CIITA: variants seen among roughly 807,000 people sequenced by gnomAD.
The protein encoded by CIITA is MHC class II transactivator.
In CIITA, 72 loss-of-function variants were observed where a neutral mutation model predicts 115.1. That is an observed-to-expected ratio of 0.63 (90% CI 0.52 to 0.76). The LOEUF (loss-of-function observed/expected upper bound fraction) is 0.76, where lower values mean the gene tolerates loss of function less well. Among genes scored for constraint, CIITA ranks in the 30% least tolerant of loss-of-function variants. CIITA has a pLI of 0.00. For missense variants in CIITA, 1,617 were observed against 1,463.8 expected, an observed-to-expected ratio of 1.10 and a Z score of -1.71; for synonymous variants, 763 against 635.6, an observed-to-expected ratio of 1.20 and a Z score of -3.02.
rs1406810628 is a variant in CIITA, at chr16:10,920,621, CA to C, written c.3150-1542del. On this transcript the variant is annotated intron_variant, in intron 16 of 19. Transcript: ENST00000324288. This position sits in a 1 kb window ranked among gnomAD's most constrained non-coding sequence, Gnocchi z 4.5. Reference sequence around the variant, plus strand: ...CCATTGTAAGACCCCAATATGAGGCCAAAATGCAAACTGTGACACGCTATTG... The same window carrying C: ...CCATTGTAAGACCCCAATATGAGGCCAAATGCAAACTGTGACACGCTATTG... 6.6e-6 allele frequency among the ~76,000 whole-genome samples: 1 copy of C among 152,182 alleles called. No individual in the cohort carries two copies. Among genetic ancestry groups the C allele is most frequent in the Non-Finnish European group, 1.5e-5 (1 of 68,026 alleles).
At chr16:10,867,079 C>T (rs2035123236) in intron 1 of CIITA, among the ~76,000 whole-genome samples, 1 of 152,094 alleles carries the variant, frequency 6.6e-6, no homozygotes, top group African/African-American at 2.4e-5. Context: ...CCTGTCTCTA[C>T]TAAAAAATAC....
rs1422261128 is a variant in CIITA at position 10,877,339 on chromosome 16, C to T, written c.9C>T (p.Cys3=). Residue 3 remains cysteine (C), a synonymous_variant, in exon 1 of 20, where the codon TGC becomes TGT. Coordinates refer to ENST00000324288, the MANE Select transcript of CIITA (RefSeq NM_000246.4). MR[C]LAPRPAGSYL... ...GCTGGGATTCCTACACAATGCGTTG[C>T]CTGGCTCCACGCCCTGCTGGGTCCT... 6.2e-7 allele frequency: 1 copy of T among 1,613,112 alleles called. No individual in the cohort carries two copies. The highest frequency in any genetic ancestry group is 8.5e-7 in the Non-Finnish European group (1 of 1,179,498).
intron 8 of CIITA, among the ~76,000 whole-genome samples, chr16:10,903,501 T>C (rs2038928217): frequency 6.6e-6 from 1 of 152,128 alleles, no homozygotes; most frequent in Admixed American, 6.5e-5. Flanking sequence ...AAGTTCCTTA[T>C]GAGCTAATTG....
intron 3 of CIITA, 134 bp from the exon 4 acceptor site, chr16:10,898,536 T>C: frequency 1.7e-6 from 1 of 573,216 alleles, no homozygotes; most frequent in South Asian, 1.7e-5. Context: ...TGTTTGATCA[T>C]TCATTCATTC....
At chr16:10,921,572 A>G (rs756979778) in intron 16 of CIITA, among the ~76,000 whole-genome samples, 2 of 152,224 alleles carry the variant, frequency 1.3e-5, no homozygotes, top group Non-Finnish European at 2.9e-5. Flanking sequence ...TATCATGCCC[A>G]TTTTACAGAT....
intron 18 of CIITA, among the ~76,000 whole-genome samples, 161 bp downstream of exon 18, chr16:10,922,651 G>A (rs57798917): frequency 0.046 from 6,969 of 152,270 alleles, 229 homozygotes; most frequent in East Asian, 0.17. Context: ...TCTGTAAAGT[G>A]GGGACAGTAA....
chr16:10,906,309 G>C (rs992933775), intron 10 of CIITA, among the ~76,000 whole-genome samples, 190 bp from the exon 11 acceptor site: 2 of 152,168 alleles, frequency 1.3e-5, no homozygotes, highest in Non-Finnish European at 2.9e-5. Context: ...GCAGCGAGCT[G>C]TGATCACACC....
chr16:10,899,635 A>G (rs1172927961), intron 5 of CIITA, among the ~76,000 whole-genome samples: 5 of 152,188 alleles, frequency 3.3e-5, no homozygotes, highest in Admixed American at 1.3e-4. Context: ...ACCTCAGTAG[A>G]TATCTGTTGA....
rs1175569503 is a variant in CIITA, at chr16:10,929,297, T to C, written c.*5442T>C. ...CCGAAGGTGAAGTGGGGGAAGCAGG[T>C]GCGCTCCGGGATGAAGTGCAGGGAG... On this transcript the variant is annotated 3_prime_UTR_variant, in exon 20 of 20. Coordinates refer to ENST00000324288, the MANE Select transcript of CIITA (RefSeq NM_000246.4). This position sits in a 1 kb window ranked among gnomAD's most constrained non-coding sequence, Gnocchi z 4.3. 2.0e-6 allele frequency: 2 copies of C among 985,938 alleles called. No homozygotes were observed. The highest frequency in any genetic ancestry group is 3.5e-5 in the African/African-American group (2 of 57,364). The allele number at this position is 985,938 out of a possible 1,614,324, so 61.1% of individuals were successfully genotyped here. A position where few individuals can be genotyped will look rare whatever the true frequency, so the allele number is the denominator to read the frequency against.
chr16:10,908,109 T>A lies in CIITA; in HGVS notation c.2617T>A (p.Leu873Met). The change falls in exon 11 of 20, where the codon TTG becomes ATG. Residue 873 changes from leucine (L) to methionine (M), a missense_variant. Transcript: ENST00000324288. ...CAGCACTGGCATTTGCCCCTCTGGA[T>A]TGGGGAGCCTCGTGGGACTCAGCTG... ...LRSTGICPSGLGSLVGLSCVT... is the reference protein window; with the variant it reads ...LRSTGICPSGMGSLVGLSCVT... 1 of 1,595,036 alleles carries A rather than the reference T, an allele frequency of 6.3e-7. No homozygotes were observed.
At position 10,901,412 on chromosome 16, in the gene CIITA, C is replaced by T. The variant is rs1319726844; in HGVS notation, c.437-102C>T. ...GAAAATGGACCCCCAAGACCACTACCCAGCCTTGAAGTTAAGGCCGTATAG... is the reference window on the plus strand; with the variant it reads ...GAAAATGGACCCCCAAGACCACTACTCAGCCTTGAAGTTAAGGCCGTATAG... On this transcript the variant is annotated intron_variant, in intron 5 of 19. Transcript: ENST00000324288. The surrounding 1 kb of genome is among the most constrained non-coding windows in gnomAD (Gnocchi z 6.8). 20 of 1,270,828 alleles carry T rather than the reference C, an allele frequency of 1.6e-5. 1 individual carries two copies. The African/African-American group carries it at 1.6e-4, about 10-fold the overall frequency. The allele number at this position is 1,270,828 out of a possible 1,614,324, so 78.7% of individuals were successfully genotyped here. A position where few individuals can be genotyped will look rare whatever the true frequency, so the allele number is the denominator to read the frequency against.
intron 11 of CIITA, chr16:10,908,704 T>C (rs1417995704): frequency 1.8e-6 from 1 of 552,008 alleles, no homozygotes; most frequent in South Asian, 2.1e-5. Flanking sequence ...CTTGAGCATT[T>C]CAGCTTAATC....
intron 16 of CIITA, among the ~76,000 whole-genome samples, chr16:10,919,225 G>A (rs971445528): frequency 1.3e-5 from 2 of 152,014 alleles, no homozygotes; most frequent in East Asian, 1.9e-4. Flanking sequence ...ATGGAGTCTC[G>A]CTCTGTCACC....
chr16:10,872,352 A>T (rs562125950), upstream of CIITA, among the ~76,000 whole-genome samples: 4 of 152,100 alleles, frequency 2.6e-5, no homozygotes, highest in Non-Finnish European at 5.9e-5. Context: ...CAAACTCCTG[A>T]CCTCAAGCAA....
chr16:10,907,430 C>A lies in CIITA; in HGVS notation c.1938C>A (p.Gly646=). ...TLTGLYVGLL[G]RAALDSPPGA... ...CGGGACTCTATGTCGGCCTGCTGGG[C>A]CGTGCAGCCCTCGACAGCCCCCCCG... Residue 646 remains glycine (G), a synonymous_variant, in exon 11 of 20, where the codon GGC becomes GGA. Transcript: ENST00000324288. This position sits in a 1 kb window ranked among gnomAD's most constrained non-coding sequence, Gnocchi z 5.0. The A allele has an allele frequency of 1.2e-6, 2 of 1,612,960 alleles. No individual in the cohort carries two copies. The highest frequency in any genetic ancestry group is 1.1e-5 in the South Asian group (1 of 91,052).
In CIITA at chr16:10,909,068, G is replaced by C; in HGVS notation, c.2697G>C (p.Leu899=). The part of the protein sequence containing the change: ...LSDTVALWES[L]QQHGETKLLQ... The stretch of plus-strand genomic sequence containing the variant: ...ACACGGTGGCGCTGTGGGAGTCCCT[G>C]CAGCAGCATGGGGAGACCAAGCTAC... Residue 899 remains leucine (L), a synonymous_variant, in exon 12 of 20, where the codon CTG becomes CTC. Coordinates refer to ENST00000324288, the MANE Select transcript of CIITA (RefSeq NM_000246.4). The C allele has an allele frequency of 6.2e-7, 1 of 1,614,188 alleles. No individual in the cohort carries two copies. The highest frequency in any genetic ancestry group is 8.5e-7 in the Non-Finnish European group (1 of 1,180,014).
chr16:10,903,605 G>A, intron 8 of CIITA, 126 bp from the exon 9 acceptor site: 1 of 997,910 alleles, frequency 1.0e-6, no homozygotes, highest in East Asian at 2.5e-5. Context: ...TCTTCCTTTG[G>A]AAGTTCTACT....
rs1464393801 is a variant in CIITA at position 10,879,836 on chromosome 16, T to G, written c.52+2454T>G. ...GGAATCGGAGCCACCATGCTTAGCT[T>G]AGTCTGGAACTCTTAAAAGCCGCGG... On this transcript the variant is annotated intron_variant, in intron 1 of 19. Transcript: ENST00000324288. The surrounding 1 kb of genome is among the most constrained non-coding windows in gnomAD (Gnocchi z 4.3). 2.0e-5 allele frequency among the ~76,000 whole-genome samples: 3 copies of G among 152,120 alleles called. No homozygotes were observed. Among genetic ancestry groups the G allele is most frequent in the Admixed American group, 1.3e-4 (2 of 15,282 alleles).
chr16:10,911,895 C>G (rs1479124508), intron 13 of CIITA, among the ~76,000 whole-genome samples: 1 of 152,096 alleles, frequency 6.6e-6, no homozygotes. Flanking sequence ...TCTCAATTAT[C>G]TCAGGCCACC....
Sources: allele counts gnomAD v4.1 joint callset (sites outside exome capture counted in the v4.1 genomes callset), GRCh38; gene constraint gnomAD v4.1.1; non-coding constraint Gnocchi (gnomAD v3.1); transcripts MANE v1.5; gene names NCBI Gene and HGNC (gene_info 2026-07-23, HGNC 2026-07-21).